AGPAT3: variants seen among roughly 807,000 people sequenced by gnomAD.
The protein encoded by AGPAT3 is 1-acylglycerol-3-phosphate O-acyltransferase 3.
AGPAT3 carries 5 observed loss-of-function variants against 47.3 expected under a neutral mutation model. That is an observed-to-expected ratio of 0.11 (90% CI 0.06 to 0.22). AGPAT3 has a LOEUF of 0.22. Ranked by LOEUF, AGPAT3 falls within the 10% of genes least tolerant of loss-of-function variation. The probability of loss-of-function intolerance (pLI) is 1.00; values close to 1 mark genes in which losing one functional copy is unlikely to be tolerated. For missense variants in AGPAT3, 315 were observed against 493.0 expected (o/e 0.64, Z 3.42); for synonymous variants, 212 against 208.3 (o/e 1.02, Z -0.15).
intron 3 of AGPAT3, among the ~76,000 whole-genome samples, chr21:43,960,367 C>T (rs1055610781): frequency 2.0e-5 from 3 of 152,254 alleles, no homozygotes; most frequent in African/African-American, 7.2e-5. Context: ...CGATCTGTAC[C>T]TGTCATGTGG....
intron 2 of AGPAT3, among the ~76,000 whole-genome samples, chr21:43,949,268 G>T (rs935167269): frequency 6.6e-6 from 1 of 152,126 alleles, no homozygotes; most frequent in Admixed American, 6.5e-5. Context: ...TCATGTCGGG[G>T]GGCCCTCAAT....
At chr21:43,890,592 T>C (rs1199199844) in intron 1 of AGPAT3, among the ~76,000 whole-genome samples, 1 of 151,904 alleles carries the variant, frequency 6.6e-6, no homozygotes, top group Admixed American at 6.6e-5. Context: ...TTTGCACTTT[T>C]TGTAGAGATG....
intron 1 of AGPAT3, among the ~76,000 whole-genome samples, chr21:43,895,174 G>A (rs1248519285): frequency 1.3e-5 from 2 of 151,300 alleles, no homozygotes; most frequent in African/African-American, 2.4e-5. Flanking sequence ...GTGCGATCTC[G>A]GCTCACTGCA....
chr21:43,881,936 C>T (rs1025364726), intron 1 of AGPAT3, among the ~76,000 whole-genome samples: 2 of 152,248 alleles, frequency 1.3e-5, no homozygotes, highest in African/African-American at 4.8e-5. Context: ...GGATTACAGG[C>T]GTGAGCCACC....
chr21:43,951,232 G>C (rs543678035), intron 2 of AGPAT3, among the ~76,000 whole-genome samples: 19 of 152,206 alleles, frequency 1.2e-4, no homozygotes, highest in East Asian at 1.9e-4. Flanking sequence ...GAAGAGGAAG[G>C]GGGGAAGGAG....
Position 43,971,429 on chromosome 21 carries a change from A to C in AGPAT3, c.706A>C (p.Lys236Gln), listed in dbSNP as rs754101750. 34 of 1,614,126 alleles carry C rather than the reference A, an allele frequency of 2.1e-5. No homozygotes were observed. The Admixed American group carries it at 5.7e-4, about 27-fold the overall frequency. Residue 236 changes from lysine (K) to glutamine (Q), a missense_variant, in exon 7 of 10, where the codon AAG becomes CAG. Physicochemically the swap from Lys to Gln is moderately conservative, Grantham distance 53 (BLOSUM62 1). Transcript: ENST00000291572. The part of the protein sequence containing the change: ...YDVTLNFRGN[K>Q]NPSLLGILYG... ...TGTAACCCTGAACTTCAGAGGAAAC[A>C]AGAACCCGTCCCTGCTGGGGATCCT...
intron 1 of AGPAT3, among the ~76,000 whole-genome samples, chr21:43,877,530 C>T (rs1025991723): frequency 2.6e-5 from 4 of 152,000 alleles, no homozygotes; most frequent in Non-Finnish European, 5.9e-5. Context: ...ACAACTTCCG[C>T]CCCCCGGGTT....
At chr21:43,899,949 G>C (rs2086313575) in intron 1 of AGPAT3, among the ~76,000 whole-genome samples, 1 of 152,332 alleles carries the variant, frequency 6.6e-6, no homozygotes, top group East Asian at 1.9e-4. Flanking sequence ...TGCCTTTGGA[G>C]CACCGCCTTC....
chr21:43,930,248 C>A lies in AGPAT3; in HGVS notation c.-49+26229C>A, dbSNP rs546592054. Among the ~76,000 whole-genome samples, 1 of 152,192 alleles carries A rather than the reference C, an allele frequency of 6.6e-6. No homozygotes were observed. Among genetic ancestry groups the A allele is most frequent in the Non-Finnish European group, 1.5e-5 (1 of 68,026 alleles). Reference sequence around the variant, plus strand: ...GTTGTGGGAGGTCTCAGGGCAGAGACGCCGCACGGTGGGGTAGGGGGCTCT... The same window carrying A: ...GTTGTGGGAGGTCTCAGGGCAGAGAAGCCGCACGGTGGGGTAGGGGGCTCT... On this transcript the variant is annotated intron_variant, in intron 2 of 9. Coordinates refer to ENST00000291572, the MANE Select transcript of AGPAT3 (RefSeq NM_020132.5). This position sits in a 1 kb window ranked among gnomAD's most constrained non-coding sequence, Gnocchi z 5.0.
At position 43,904,045 on chromosome 21, in the gene AGPAT3, C is replaced by T. The variant is rs572362395; in HGVS notation, c.-49+26C>T. The T allele has an allele frequency of 2.1e-3, 308 of 148,638 alleles. 1 individual carries two copies. Among genetic ancestry groups the T allele is most frequent in the Non-Finnish European group, 3.6e-3 (245 of 67,476 alleles). The allele number at this position is 148,638 out of a possible 1,614,324, so 9.2% of individuals were successfully genotyped here. A position where few individuals can be genotyped will look rare whatever the true frequency, so the allele number is the denominator to read the frequency against. On this transcript the variant is annotated intron_variant, in intron 2 of 9. Coordinates refer to ENST00000291572, the MANE Select transcript of AGPAT3 (RefSeq NM_020132.5). ...GTAAGTGGGCAGTGAGGCCGCCTGA[C>T]GCAGGGCGCCGTGTGTGAGAGTGTG...
intron 2 of AGPAT3, among the ~76,000 whole-genome samples, chr21:43,911,731 C>T (rs1417607129): frequency 2.0e-5 from 3 of 152,252 alleles, no homozygotes; most frequent in Non-Finnish European, 4.4e-5. Flanking sequence ...GGGCTCTATG[C>T]ATGCACATTT....
intron 8 of AGPAT3, among the ~76,000 whole-genome samples, 173 bp from the exon 9 acceptor site, chr21:43,980,816 A>G (rs1009431994): frequency 4.6e-5 from 7 of 152,234 alleles, no homozygotes; most frequent in Admixed American, 1.3e-4. Flanking sequence ...AGATTCTCCA[A>G]AAACGTACAG....
Position 43,954,348 on chromosome 21 carries a change from G to A in AGPAT3, c.-48-5286G>A, listed in dbSNP as rs143114860. ...GTGGAACAGGGTACCTGCGAGGTCT[G>A]TGAGTGAAACTACACTGCTGGCTGG... is the stretch of plus-strand genomic sequence containing the variant. On this transcript the variant is annotated intron_variant, in intron 2 of 9. Transcript: ENST00000291572. This position sits in a 1 kb window ranked among gnomAD's most constrained non-coding sequence, Gnocchi z 4.0. Among the ~76,000 whole-genome samples, 100 of 152,310 alleles carry A rather than the reference G, an allele frequency of 6.6e-4. No individual in the cohort carries two copies. The highest frequency in any genetic ancestry group is 2.3e-3 in the African/African-American group (96 of 41,564).
chr21:43,895,561 T>A (rs557854501), intron 1 of AGPAT3, among the ~76,000 whole-genome samples: 1 of 151,262 alleles, frequency 6.6e-6, no homozygotes, highest in East Asian at 1.9e-4. Context: ...TTTGAATTCC[T>A]CTTTTGAATT....
intron 2 of AGPAT3, among the ~76,000 whole-genome samples, chr21:43,929,112 C>T (rs1028022329): frequency 2.6e-4 from 39 of 152,186 alleles, no homozygotes; most frequent in African/African-American, 9.4e-4. Context: ...ATAGCCAGTC[C>T]CCTGTGACCT....
intron 2 of AGPAT3, among the ~76,000 whole-genome samples, chr21:43,943,171 T>C (rs1445000608): frequency 6.6e-6 from 1 of 152,116 alleles, no homozygotes; most frequent in Non-Finnish European, 1.5e-5. Flanking sequence ...GTCTCCCAGG[T>C]TCACACCATT....
intron 2 of AGPAT3, among the ~76,000 whole-genome samples, chr21:43,956,834 C>G (rs1434441931): frequency 2.0e-5 from 3 of 152,212 alleles, no homozygotes; most frequent in Non-Finnish European, 4.4e-5. Flanking sequence ...GTGATGTGGC[C>G]ATCCTGGGAG....
rs1456764151 is a variant in AGPAT3 at position 43,987,274 on chromosome 21, G to A, written c.*4882G>A. ...CACTCCCACGGGCTCTGTTTCCTTG[G>A]AGGCCATCCTGCCGATGGCACTTTT... On this transcript the variant is annotated 3_prime_UTR_variant, in exon 10 of 10. Coordinates refer to ENST00000291572, the MANE Select transcript of AGPAT3 (RefSeq NM_020132.5). 6.6e-6 allele frequency among the ~76,000 whole-genome samples: 1 copy of A among 152,162 alleles called. No individual in the cohort carries two copies. Among genetic ancestry groups the A allele is most frequent in the Non-Finnish European group, 1.5e-5 (1 of 68,030 alleles).
intron 4 of AGPAT3, among the ~76,000 whole-genome samples, chr21:43,968,614 C>T (rs546588693): frequency 7.9e-5 from 12 of 152,082 alleles, no homozygotes; most frequent in South Asian, 2.1e-4. Flanking sequence ...TCTTTGAGCT[C>T]GGCAGTGGTG....
Sources: gnomAD v4.1 joint callset for allele counts (sites outside exome capture counted in the v4.1 genomes callset) on GRCh38, gnomAD v4.1.1 for gene constraint, Gnocchi (gnomAD v3.1) non-coding constraint, MANE v1.5 for transcripts, NCBI Gene and HGNC (gene_info 2026-07-23, HGNC 2026-07-21) for gene names.